The following SNX30 variants were observed in gnomAD, a reference collection of about 807,000 sequenced individuals.
SNX30 encodes the protein sorting nexin family member 30.
In SNX30, 24 loss-of-function variants were observed where a neutral mutation model predicts 46.4. The ratio of observed to expected loss-of-function variants is 0.52; its 90% confidence interval spans 0.37 to 0.73. SNX30 has a LOEUF of 0.73. Among genes scored for constraint, SNX30 ranks in the 30% least tolerant of loss-of-function variants. SNX30 has a pLI of 0.00. For synonymous variants in SNX30, 189 were observed against 211.5 expected, an observed-to-expected ratio of 0.89 and a Z score of 0.92; for missense variants, 533 against 555.7, an observed-to-expected ratio of 0.96 and a Z score of 0.41.
At chr9:112,879,718 G>A, downstream of SNX30, 2 of 1,565,144 alleles carry the variant, frequency 1.3e-6, no homozygotes, top group Non-Finnish European at 1.8e-6. Flanking sequence ...TCTTCTGGGG[G>A]CCTGGCCATG....
At chr9:112,774,413 C>G in intron 1 of SNX30, among the ~76,000 whole-genome samples, 1 of 152,116 alleles carries the variant, frequency 6.6e-6, no homozygotes. Context: ...AAAAGGATTG[C>G]AAGGAGGACT....
Position 112,871,428 on chromosome 9 carries a change from C to T in SNX30, c.*2585C>T, listed in dbSNP as rs544477489. On this transcript the variant is annotated 3_prime_UTR_variant, in exon 9 of 9. Transcript: ENST00000374232. ...TTTGCCTCTTCGTTTTGACCAAGCACAAAAGAGATATTCCCTAGAAGTGTC... is the reference window on the plus strand; with the variant it reads ...TTTGCCTCTTCGTTTTGACCAAGCATAAAAGAGATATTCCCTAGAAGTGTC... 6.6e-6 allele frequency: 1 copy of T among 152,216 alleles called. No individual in the cohort carries two copies. Among genetic ancestry groups the T allele is most frequent in the African/African-American group, 2.4e-5 (1 of 41,534 alleles). The allele number at this position is 152,216 out of a possible 1,614,324, so 9.4% of individuals were successfully genotyped here. A position where few individuals can be genotyped will look rare whatever the true frequency, so the allele number is the denominator to read the frequency against.
chr9:112,797,349 T>G (rs1012822301), intron 1 of SNX30, among the ~76,000 whole-genome samples: 4 of 152,322 alleles, frequency 2.6e-5, no homozygotes, highest in Admixed American at 2.6e-4. Context: ...ATAGAAAATT[T>G]TAAGCATATA....
intron 2 of SNX30, among the ~76,000 whole-genome samples, chr9:112,813,309 C>A (rs566764634): frequency 9.1e-4 from 137 of 150,988 alleles, no homozygotes; most frequent in African/African-American, 2.8e-3. Flanking sequence ...ACAAAAAAAA[C>A]AAACAAAAAA....
chr9:112,817,401 C>CTTTTTTTGTTTTTTTTTTTTTTT (rs1840414732), intron 2 of SNX30, among the ~76,000 whole-genome samples: 1 of 46,830 alleles, frequency 2.1e-5, no homozygotes, highest in Non-Finnish European at 3.4e-5. Flanking sequence ...AAAAAACTGG[C>CTTTTTTTGTTTTTTTTTTTTTTT]TTTTTTTTTT....
chr9:112,769,399 G>A (rs1160027194), intron 1 of SNX30, among the ~76,000 whole-genome samples: 1 of 152,222 alleles, frequency 6.6e-6, no homozygotes, highest in Non-Finnish European at 1.5e-5. Flanking sequence ...CTGCAGGAAA[G>A]TGTCCACTTC....
Position 112,770,739 on chromosome 9 carries a change from T to C in SNX30, c.156+19582T>C, listed in dbSNP as rs1839635504. Among the ~76,000 whole-genome samples, 3 of 152,168 alleles carry C rather than the reference T, an allele frequency of 2.0e-5. No homozygotes were observed. In the South Asian group the frequency reaches 6.2e-4, roughly 32 times the overall value. On this transcript the variant is annotated intron_variant, in intron 1 of 8. Transcript: ENST00000374232. ...CTGGCCGGGCGCGGTGGCTCACGCC[T>C]GTAATCCCAGCACTTTGGGAGGCCG...
At chr9:112,767,735 T>G (rs962272033) in intron 1 of SNX30, among the ~76,000 whole-genome samples, 3 of 151,956 alleles carry the variant, frequency 2.0e-5, no homozygotes, top group African/African-American at 7.3e-5. Flanking sequence ...GACCACAGGC[T>G]TATGCCACCA....
At chr9:112,854,353 C>T (rs1193031178) in intron 7 of SNX30, among the ~76,000 whole-genome samples, 1 of 152,226 alleles carries the variant, frequency 6.6e-6, no homozygotes, top group Non-Finnish European at 1.5e-5. Context: ...CTGTGGAAAT[C>T]TTTGGCTGCT....
intron 3 of SNX30, among the ~76,000 whole-genome samples, chr9:112,829,974 A>G (rs1465366771): frequency 6.6e-6 from 1 of 152,180 alleles, no homozygotes; most frequent in Admixed American, 6.5e-5. Flanking sequence ...ATATTTTAAA[A>G]CATGTGCATA....
intron 1 of SNX30, among the ~76,000 whole-genome samples, chr9:112,793,081 G>A (rs1840052558): frequency 1.3e-5 from 2 of 152,132 alleles, no homozygotes; most frequent in South Asian, 4.1e-4. Context: ...TGCCTCTGAT[G>A]AGATAATAAT....
At chr9:112,876,094 C>CT (rs1841513535), downstream of SNX30, among the ~76,000 whole-genome samples, 1 of 151,940 alleles carries the variant, frequency 6.6e-6, no homozygotes, top group South Asian at 2.1e-4. Flanking sequence ...GCCCTGTTTT[C>CT]TTTTTAACAA....
intron 6 of SNX30, among the ~76,000 whole-genome samples, chr9:112,840,058 A>G (rs866571750): frequency 6.6e-6 from 1 of 152,344 alleles, no homozygotes; most frequent in African/African-American, 2.4e-5. Context: ...GTTGATACGT[A>G]CTAAACTGTG....
chr9:112,876,106 G>A (rs7873289), downstream of SNX30, among the ~76,000 whole-genome samples: 136,615 of 152,208 alleles, frequency 0.9, 61,525 homozygotes, highest in East Asian at 1. Flanking sequence ...TTTTAACAAG[G>A]TGATGGAAAT....
chr9:112,864,086 C>T (rs902560309), intron 7 of SNX30, among the ~76,000 whole-genome samples, 161 bp from the exon 8 acceptor site: 5 of 152,190 alleles, frequency 3.3e-5, no homozygotes, highest in Non-Finnish European at 7.3e-5. Context: ...GACCTGAAAA[C>T]CCAAGGTTTT....
At chr9:112,865,227 C>A (rs1010765763) in intron 8 of SNX30, among the ~76,000 whole-genome samples, 1 of 149,976 alleles carries the variant, frequency 6.7e-6, no homozygotes, top group African/African-American at 2.5e-5. Context: ...TCACACACAA[C>A]CCCCACACAC....
At position 112,817,728 on chromosome 9, in the gene SNX30, G is replaced by T. The variant is rs10117709; in HGVS notation, c.372G>T (p.Leu124=). The change falls in exon 3 of 9, where the codon CTG becomes CTT. Residue 124 remains leucine, a synonymous_variant. Coordinates refer to ENST00000374232, the MANE Select transcript of SNX30 (RefSeq NM_001012994.2). ...AGAGTACTCGGGTGGAGTTTGACCT[G>T]CCAGAATATTCTGTTCGTCGAAGAT... ...TTKSTRVEFD[L]PEYSVRRRYQ... is the part of the protein sequence containing the mutation. 1 of 1,610,316 alleles carries T rather than the reference G, an allele frequency of 6.2e-7. No individual in the cohort carries two copies. The highest frequency in any genetic ancestry group is 1.3e-5 in the African/African-American group (1 of 74,616).
chr9:112,789,351 C>A (rs375014434), intron 1 of SNX30, among the ~76,000 whole-genome samples: 15 of 152,174 alleles, frequency 9.9e-5, no homozygotes, highest in Admixed American at 6.5e-4. Flanking sequence ...AGCTCTCCCC[C>A]AGCCTTGTTT....
Position 112,750,809 on chromosome 9 carries a change from G to C in SNX30, c.-193G>C, listed in dbSNP as rs1462345456. 1 of 269,068 alleles carries C rather than the reference G, an allele frequency of 3.7e-6. No homozygotes were observed. The highest frequency in any genetic ancestry group is 6.6e-5 in the Admixed American group (1 of 15,104). The allele number at this position is 269,068 out of a possible 1,614,324, so 16.7% of individuals were successfully genotyped here. On this transcript the variant is annotated 5_prime_UTR_variant, in exon 1 of 9. Coordinates refer to ENST00000374232, the MANE Select transcript of SNX30 (RefSeq NM_001012994.2). ...CGGCGGGCTCGGGCGCGGAGCGGGG[G>C]CGCGCGGCGCGGAGCGGAGCGTCTG...
Sources: allele counts gnomAD v4.1 joint callset (sites outside exome capture counted in the v4.1 genomes callset), GRCh38; gene constraint gnomAD v4.1.1; transcripts MANE v1.5; gene names NCBI Gene and HGNC (gene_info 2026-07-23, HGNC 2026-07-21).